WARS2: variants seen among roughly 807,000 people sequenced by gnomAD.
WARS2 encodes the protein tryptophan--tRNA ligase, mitochondrial.
WARS2 carries 28 observed loss-of-function variants against 36.5 expected under a neutral mutation model. That is an observed-to-expected ratio of 0.77 (90% CI 0.57 to 1.05). WARS2 has a LOEUF of 1.05. Among genes scored for constraint, WARS2 ranks in the 50% least tolerant of loss-of-function variants. The pLI, the probability that WARS2 is intolerant of heterozygous loss-of-function variation, is 0.00. For missense variants in WARS2, 435 were observed against 456.8 expected (o/e 0.95, Z 0.44); for synonymous variants, 174 against 178.4 (o/e 0.98, Z 0.20).
At chr1:119,091,027 C>G (rs1264591784) in intron 1 of WARS2, among the ~76,000 whole-genome samples, 1 of 152,086 alleles carries the variant, frequency 6.6e-6, no homozygotes, top group Non-Finnish European at 1.5e-5. Flanking sequence ...GAAATTAAGA[C>G]AGACAATGTT....
At chr1:119,091,854 C>T (rs1653072816) in intron 1 of WARS2, among the ~76,000 whole-genome samples, 1 of 152,196 alleles carries the variant, frequency 6.6e-6, no homozygotes, top group African/African-American at 2.4e-5. Flanking sequence ...GACGTAGAAG[C>T]CGCTGTGCTG....
At position 119,053,413 on chromosome 1, in the gene WARS2, C is replaced by T. The variant is rs186115633; in HGVS notation, c.349-7751G>A. Among the ~76,000 whole-genome samples, 385 of 152,184 alleles carry T rather than the reference C, an allele frequency of 2.5e-3. 2 individuals are homozygous for T. The highest frequency in any genetic ancestry group is 9.1e-3 in the African/African-American group (378 of 41,526). On this transcript the variant is annotated intron_variant, in intron 2 of 5. Coordinates refer to ENST00000235521, the MANE Select transcript of WARS2 (RefSeq NM_015836.4). ...TCTTACAATAAATAAAAATGAATAA[C>T]TGGGAACAATAATAATCTACCACTA...
intron 1 of WARS2, among the ~76,000 whole-genome samples, chr1:119,079,600 A>T (rs1652035915): frequency 6.6e-6 from 1 of 152,214 alleles, no homozygotes; most frequent in Non-Finnish European, 1.5e-5. Context: ...ACCTAATGCT[A>T]GCTCCTGAGA....
chr1:119,046,840 T>G (rs114544572), intron 2 of WARS2, among the ~76,000 whole-genome samples: 13,972 of 151,320 alleles, frequency 0.092, 904 homozygotes, highest in Non-Finnish European at 0.13. Context: ...CTCTGAAAAG[T>G]GGCCCCAAAT....
rs778193998 is a variant in WARS2, at chr1:119,076,592, G to A, written c.106C>T (p.Arg36Ter). The A allele has an allele frequency of 7.4e-6, 12 of 1,613,968 alleles. No homozygotes were observed. The highest frequency in any genetic ancestry group is 1.3e-5 in the African/African-American group (1 of 74,906). The change falls in exon 2 of 6, where the codon CGA (arginine) becomes TGA (stop). Residue 36 changes from arginine (R) to a stop codon, truncating the protein, a stop_gained. Transcript: ENST00000235521. LOFTEE classifies it high-confidence loss of function. Reference protein sequence around the residue: ...APALQKDSKKRVFSGIQPTGI... With the variant: ...APALQKDSKK The stretch of plus-strand genomic sequence containing the variant: ...GTAGGTTGAATGCCGGAAAATACTC[G>A]CTTCTTGCTGTCTTTCTGGAACAAA...
At chr1:119,085,871 C>T (rs138485364) in intron 1 of WARS2, 13 of 1,610,348 alleles carry the variant, frequency 8.1e-6, no homozygotes, top group African/African-American at 4.0e-5. Context: ...ACTCGGAGTG[C>T]CAGGACACCT....
chr1:119,124,467 G>A (rs587703553), intron 1 of WARS2, among the ~76,000 whole-genome samples: 1 of 152,222 alleles, frequency 6.6e-6, no homozygotes, highest in South Asian at 2.1e-4. Context: ...TCCAGCCTGG[G>A]TGACAGAGTG....
intron 1 of WARS2, among the ~76,000 whole-genome samples, chr1:119,078,799 A>G (rs1335668730): frequency 6.6e-6 from 1 of 152,136 alleles, no homozygotes; most frequent in Non-Finnish European, 1.5e-5. Context: ...TTTGACAAAG[A>G]TAAGTACTTA....
At position 119,085,089 on chromosome 1, in the gene WARS2, C is replaced by T. The variant is rs1652522318; in HGVS notation, c.91-8482G>A. On this transcript the variant is annotated intron_variant, in intron 1 of 5. Transcript: ENST00000235521. Reference sequence around the variant, plus strand: ...CCTATGGGATTTATCTCAGCTCCTACCTCTACTTCTATGACTACGCCCTTC... The same window carrying T: ...CCTATGGGATTTATCTCAGCTCCTATCTCTACTTCTATGACTACGCCCTTC... The T allele has an allele frequency of 3.9e-6, 3 of 765,064 alleles. No individual in the cohort carries two copies. The South Asian group carries it at 4.1e-5, about 10-fold the overall frequency. 47.4% of individuals were successfully genotyped at this position (765,064 alleles called of 1,614,324 possible).
chr1:119,137,802 T>G (rs976321582), intron 1 of WARS2, among the ~76,000 whole-genome samples: 1 of 152,218 alleles, frequency 6.6e-6, no homozygotes, highest in Non-Finnish European at 1.5e-5. Context: ...TGATGTGCTG[T>G]TATTCCTGTT....
intron 1 of WARS2, among the ~76,000 whole-genome samples, chr1:119,101,112 T>C (rs1240957655): frequency 6.6e-6 from 1 of 152,060 alleles, no homozygotes; most frequent in Non-Finnish European, 1.5e-5. Flanking sequence ...GGTAAAAACA[T>C]ACAGTTCGAT....
intron 1 of WARS2, among the ~76,000 whole-genome samples, chr1:119,125,397 A>G (rs941594649): frequency 2.0e-5 from 3 of 152,092 alleles, no homozygotes; most frequent in African/African-American, 7.2e-5. Context: ...CTATTATCTA[A>G]CATACTATAT....
rs773872190 is a variant in WARS2, at chr1:119,087,689, A to T, written c.91-11082T>A. Among the ~76,000 whole-genome samples, 4 of 152,312 alleles carry T rather than the reference A, an allele frequency of 2.6e-5. No homozygotes were observed. The South Asian group carries it at 6.2e-4, about 24-fold the overall frequency. Reference sequence around the variant, plus strand: ...AGGGGAGCAATTATGCATGCAGAGGAGGTTGTATTTGCATATACAGTAAAT... The same window carrying T: ...AGGGGAGCAATTATGCATGCAGAGGTGGTTGTATTTGCATATACAGTAAAT... On this transcript the variant is annotated intron_variant, in intron 1 of 5. Transcript: ENST00000235521.
At chr1:119,098,627 C>T (rs185535204) in intron 1 of WARS2, among the ~76,000 whole-genome samples, 226 of 152,124 alleles carry the variant, frequency 1.5e-3, no homozygotes, top group African/African-American at 5.2e-3. Flanking sequence ...TTAGTAGAGA[C>T]GAGGTTTTCC....
At chr1:119,109,258 G>T (rs956280374) in intron 1 of WARS2, among the ~76,000 whole-genome samples, 1 of 151,704 alleles carries the variant, frequency 6.6e-6, no homozygotes, top group Non-Finnish European at 1.5e-5. Flanking sequence ...GAGTTCTATG[G>T]CCTTACTAAT....
In WARS2 at chr1:119,052,244, C is replaced by A. The variant is rs200728502; in HGVS notation, c.349-6582G>T. 4.7e-4 allele frequency among the ~76,000 whole-genome samples: 72 copies of A among 152,190 alleles called. No individual in the cohort carries two copies. The East Asian group carries it at 0.011, about 23-fold the overall frequency. Reference sequence around the variant, plus strand: ...TAAATCCTGGATCAAATCTCTGTGTCCCTTAAGATTTTATTTTTTCGCATG... The same window carrying A: ...TAAATCCTGGATCAAATCTCTGTGTACCTTAAGATTTTATTTTTTCGCATG... On this transcript the variant is annotated intron_variant, in intron 2 of 5. Coordinates refer to ENST00000235521, the MANE Select transcript of WARS2 (RefSeq NM_015836.4).
In WARS2 at chr1:119,045,999, A is replaced by AC. The variant is rs1214979174; in HGVS notation, c.349-338dup. Among the ~76,000 whole-genome samples, 3 of 151,936 alleles carry AC rather than the reference A, an allele frequency of 2.0e-5. No homozygotes were observed. In the East Asian group the frequency reaches 5.8e-4, roughly 29 times the overall value. ...AAAGCCAAGCTTATTAAGAAGGCAC[A>AC]CACACACTCTCTCTCTCTCTATCAC... On this transcript the variant is annotated intron_variant, in intron 2 of 5. Transcript: ENST00000235521.
chr1:119,085,938 T>G, intron 1 of WARS2: 1 of 1,609,914 alleles, frequency 6.2e-7, no homozygotes. Context: ...CAGCTTCACC[T>G]TAGTTAAAGG....
chr1:119,078,057 G>A (rs1364187521), intron 1 of WARS2, among the ~76,000 whole-genome samples: 3 of 152,120 alleles, frequency 2.0e-5, no homozygotes, highest in African/African-American at 7.2e-5. Flanking sequence ...GTTTATAGAT[G>A]AGAGACGTGA....
Sources: gnomAD v4.1 joint callset for allele counts (sites outside exome capture counted in the v4.1 genomes callset) on GRCh38, gnomAD v4.1.1 for gene constraint, MANE v1.5 for transcripts, NCBI Gene and HGNC (gene_info 2026-07-23, HGNC 2026-07-21) for gene names.